The following KCNQ5 variants were observed in gnomAD, a reference collection of about 807,000 sequenced individuals.
KCNQ5 encodes the protein potassium voltage-gated channel subfamily Q member 5.
A neutral mutation model predicts 98.2 loss-of-function variants in KCNQ5; 30 were observed. The ratio of observed to expected loss-of-function variants is 0.31; its 90% CI spans 0.23 to 0.41. The LOEUF (loss-of-function observed/expected upper bound fraction) is 0.41. KCNQ5 is among the 10% of genes least tolerant of loss of function. KCNQ5 has a pLI of 1.00. For missense variants in KCNQ5, 835 were observed against 1,182.5 expected (o/e 0.71, Z 4.31); for synonymous variants, 458 against 449.4 (o/e 1.02, Z -0.24).
At chr6:72,794,431 T>G (rs528232831) in intron 1 of KCNQ5, among the ~76,000 whole-genome samples, 2 of 151,994 alleles carry the variant, frequency 1.3e-5, no homozygotes, top group East Asian at 3.9e-4. Flanking sequence ...GTATGAAAAA[T>G]GAAATGTGTC....
intron 1 of KCNQ5, among the ~76,000 whole-genome samples, chr6:72,827,489 G>A (rs1935523): frequency 0.99 from 150,414 of 152,284 alleles, 74,319 homozygotes; most frequent in East Asian, 1. Flanking sequence ...GTGATGTCAA[G>A]CATTTTTAAA....
chr6:72,737,210 T>C (rs868197159), intron 1 of KCNQ5, among the ~76,000 whole-genome samples: 19 of 152,360 alleles, frequency 1.2e-4, no homozygotes, highest in African/African-American at 3.8e-4. Context: ...TCTGCCCACC[T>C]TGGCCTTCCA....
intron 1 of KCNQ5, among the ~76,000 whole-genome samples, chr6:72,760,763 A>C (rs1450914401): frequency 6.6e-6 from 1 of 152,138 alleles, no homozygotes; most frequent in Non-Finnish European, 1.5e-5. Flanking sequence ...TGATGAATCA[A>C]ATCTTAAAGG....
intron 7 of KCNQ5, among the ~76,000 whole-genome samples, chr6:73,116,861 T>G (rs1307981703): frequency 6.6e-6 from 1 of 152,194 alleles, no homozygotes; most frequent in South Asian, 2.1e-4. Flanking sequence ...AAATAAGCTC[T>G]GTGTTCATTA....
intron 9 of KCNQ5, among the ~76,000 whole-genome samples, chr6:73,127,503 G>A (rs1452654039): frequency 6.6e-6 from 1 of 152,178 alleles, no homozygotes; most frequent in Non-Finnish European, 1.5e-5. Flanking sequence ...GCCTCTGGGT[G>A]CCTGGCACTC....
At chr6:72,864,374 G>A (rs1405016788) in intron 1 of KCNQ5, among the ~76,000 whole-genome samples, 5 of 152,130 alleles carry the variant, frequency 3.3e-5, no homozygotes, top group African/African-American at 9.7e-5. Context: ...TGTCCTAGCA[G>A]CCTTCCTAAC....
intron 2 of KCNQ5, among the ~76,000 whole-genome samples, chr6:73,032,607 G>A (rs1215991947): frequency 2.6e-5 from 4 of 152,216 alleles, no homozygotes; most frequent in Middle Eastern, 3.4e-3. Context: ...TCTGATTCAG[G>A]ACATTGATCT....
intron 5 of KCNQ5, among the ~76,000 whole-genome samples, chr6:73,091,649 T>A (rs1207074149): frequency 6.6e-6 from 1 of 152,184 alleles, no homozygotes; most frequent in Non-Finnish European, 1.5e-5. Context: ...ACCAATACCA[T>A]GCTGTCTTGG....
At chr6:73,142,498 CA>C (rs60700064) in intron 10 of KCNQ5, among the ~76,000 whole-genome samples, 14,347 of 133,458 alleles carry the variant, frequency 0.11, 717 homozygotes, top group East Asian at 0.16. Flanking sequence ...TATTATATCT[CA>C]AAAAAAAAAA....
At chr6:72,973,381 A>G (rs1346055190) in intron 1 of KCNQ5, among the ~76,000 whole-genome samples, 2 of 152,116 alleles carry the variant, frequency 1.3e-5, no homozygotes, top group East Asian at 3.8e-4. Context: ...TAGAGATGCC[A>G]TGGATTTTTT....
At chr6:72,814,123 T>G (rs1013008874) in intron 1 of KCNQ5, among the ~76,000 whole-genome samples, 12 of 152,196 alleles carry the variant, frequency 7.9e-5, no homozygotes, top group African/African-American at 2.7e-4. Flanking sequence ...AGGCCACTGA[T>G]GCACAACATT....
In KCNQ5 at chr6:72,635,767, T is replaced by C. The variant is rs150601673; in HGVS notation, c.398+13180T>C. Among the ~76,000 whole-genome samples, 1,360 of 151,738 alleles carry C rather than the reference T, an allele frequency of 9.0e-3. 10 individuals are homozygous for C. Among genetic ancestry groups the C allele is most frequent in the East Asian group, 0.02 (105 of 5,180 alleles). ...TTCTTTGTACAAAATGTTGCTTTCT[T>C]TTCCTCTGAAAGCTGTCTGTTCTTA... On this transcript the variant is annotated intron_variant, in intron 1 of 13. Coordinates refer to ENST00000370398, the MANE Select transcript of KCNQ5 (RefSeq NM_019842.4).
chr6:72,727,867 G>A (rs1340932414), intron 1 of KCNQ5, among the ~76,000 whole-genome samples: 1 of 152,110 alleles, frequency 6.6e-6, no homozygotes, highest in Non-Finnish European at 1.5e-5. Context: ...GTAAGGCAGA[G>A]TCTTCCCATG....
At position 73,153,094 on chromosome 6, in the gene KCNQ5, AG is replaced by A. The variant is rs1339443245; in HGVS notation, c.1469-16651del. On this transcript the variant is annotated intron_variant, in intron 10 of 13. Transcript: ENST00000370398. Reference sequence around the variant, plus strand: ...GATTGCACGCAACCTTCCTTATCTTAGTTATCCCCTCTTTATGCTTGGATCA... The same window carrying A: ...GATTGCACGCAACCTTCCTTATCTTATTATCCCCTCTTTATGCTTGGATCA... 3.9e-5 allele frequency among the ~76,000 whole-genome samples: 6 copies of A among 152,142 alleles called. No homozygotes were observed. In the East Asian group the frequency reaches 1.2e-3, roughly 29 times the overall value.
At chr6:72,764,979 T>C (rs969375602) in intron 1 of KCNQ5, among the ~76,000 whole-genome samples, 2 of 152,086 alleles carry the variant, frequency 1.3e-5, no homozygotes, top group African/African-American at 2.4e-5. Context: ...TGAATAATAC[T>C]GTATTGTGTA....
chr6:72,681,347 T>TC (rs2154473817), intron 1 of KCNQ5, among the ~76,000 whole-genome samples: 1 of 151,990 alleles, frequency 6.6e-6, no homozygotes, highest in South Asian at 2.1e-4. Flanking sequence ...TCTGTTGGGC[T>TC]CTTTGCATCT....
Position 72,918,718 on chromosome 6 carries a change from C to T in KCNQ5, c.399-85190C>T, listed in dbSNP as rs536691416. Among the ~76,000 whole-genome samples the T allele has an allele frequency of 5.9e-5, 9 of 152,172 alleles. No homozygotes were observed. In the South Asian group the frequency reaches 1.7e-3, roughly 28 times the overall value. ...TGGCAATACCTGGCCTAGAGAGCCA[C>T]CAAATAAAATTTTCGGGTCCTATCT... On this transcript the variant is annotated intron_variant, in intron 1 of 13. Coordinates refer to ENST00000370398, the MANE Select transcript of KCNQ5 (RefSeq NM_019842.4).
intron 1 of KCNQ5, among the ~76,000 whole-genome samples, chr6:72,738,943 G>A (rs541057076): frequency 1.6e-4 from 24 of 152,262 alleles, no homozygotes; most frequent in Admixed American, 7.8e-4. Context: ...TTAGGGCAAT[G>A]AAACTACTCC....
At chr6:72,752,666 A>G (rs891992473) in intron 1 of KCNQ5, among the ~76,000 whole-genome samples, 1 of 152,154 alleles carries the variant, frequency 6.6e-6, no homozygotes, top group Non-Finnish European at 1.5e-5. Flanking sequence ...TGAATTGCCT[A>G]AATTCCAAAG....
Sources: allele counts gnomAD v4.1 joint callset (sites outside exome capture counted in the v4.1 genomes callset), GRCh38; gene constraint gnomAD v4.1.1; transcripts MANE v1.5; gene names NCBI Gene and HGNC (gene_info 2026-07-23, HGNC 2026-07-21).